PPM1H: variants seen among roughly 807,000 people sequenced by gnomAD.
PPM1H encodes the protein protein phosphatase 1H.
Under a neutral mutation model 54.9 loss-of-function variants are expected in PPM1H, and 27 were observed. The ratio of observed to expected loss-of-function variants is 0.49; its 90% CI spans 0.36 to 0.68. The LOEUF is 0.68. Ranked by LOEUF, PPM1H falls within the 30% of genes least tolerant of loss-of-function variation. PPM1H has a pLI of 0.00. For synonymous variants in PPM1H, 305 were observed against 270.8 expected (o/e 1.13, Z -1.24); for missense variants, 596 against 667.8 (o/e 0.89, Z 1.19).
At chr12:62,812,963 C>T (rs1386064658) in intron 2 of PPM1H, among the ~76,000 whole-genome samples, 1 of 151,634 alleles carries the variant, frequency 6.6e-6, no homozygotes, top group Non-Finnish European at 1.5e-5. Context: ...TCAAAAATGA[C>T]CAGCTTAAAT....
intron 1 of PPM1H, among the ~76,000 whole-genome samples, chr12:62,926,323 T>G (rs58869921): frequency 0.061 from 9,322 of 152,188 alleles, 566 homozygotes; most frequent in East Asian, 0.26. Context: ...CTAATCACCA[T>G]TTCCTTCCCC....
chr12:62,705,427 C>T (rs188759067), intron 6 of PPM1H, among the ~76,000 whole-genome samples: 6 of 152,222 alleles, frequency 3.9e-5, no homozygotes, highest in South Asian at 4.1e-4. Context: ...GCTGGGTATA[C>T]GGAGTAGAAT....
chr12:62,931,618 T>G (rs968997527), intron 1 of PPM1H, among the ~76,000 whole-genome samples: 2 of 152,216 alleles, frequency 1.3e-5, no homozygotes, highest in Non-Finnish European at 2.9e-5. Flanking sequence ...TTTAATCTAC[T>G]GTAGAGAACG....
chr12:62,880,564 C>T (rs989658116), intron 1 of PPM1H, among the ~76,000 whole-genome samples: 2 of 152,116 alleles, frequency 1.3e-5, no homozygotes, highest in Non-Finnish European at 1.5e-5. Flanking sequence ...TCGTGATTAC[C>T]CTCCATCAGC....
chr12:62,738,479 G>A (rs150907624), intron 4 of PPM1H, among the ~76,000 whole-genome samples: 67 of 152,270 alleles, frequency 4.4e-4, no homozygotes, highest in Admixed American at 3.7e-3. Flanking sequence ...GTTCCCCAAA[G>A]CAGATGTCTA....
At chr12:62,697,133 C>CT (rs543565296) in intron 6 of PPM1H, among the ~76,000 whole-genome samples, 5,305 of 146,462 alleles carry the variant, frequency 0.036, 349 homozygotes, top group African/African-American at 0.12. Context: ...GGTCTGTGTT[C>CT]TTTTTTTTTT....
chr12:62,785,101 T>TA (rs1318647269), intron 4 of PPM1H, among the ~76,000 whole-genome samples: 5 of 152,252 alleles, frequency 3.3e-5, no homozygotes, highest in Non-Finnish European at 7.3e-5. Context: ...GATTTTTTTT[T>TA]AAATGTTTTA....
intron 5 of PPM1H, among the ~76,000 whole-genome samples, chr12:62,735,654 G>C (rs1378127573): frequency 6.6e-6 from 1 of 152,212 alleles, no homozygotes; most frequent in Admixed American, 6.5e-5. Flanking sequence ...AAGAGGGGGA[G>C]AGACCAGAAC....
At chr12:62,916,314 T>C (rs1356103272) in intron 1 of PPM1H, among the ~76,000 whole-genome samples, 1 of 152,202 alleles carries the variant, frequency 6.6e-6, no homozygotes, top group East Asian at 1.9e-4. Context: ...TTGTTGATCA[T>C]ACATCATCTT....
Position 62,667,074 on chromosome 12 carries a change from C to G in PPM1H, c.1397+104G>C, listed in dbSNP as rs541800777. On this transcript the variant is annotated intron_variant, in intron 9 of 9. Coordinates refer to ENST00000228705, the MANE Select transcript of PPM1H (RefSeq NM_020700.2). ...AGTTTGGTTACTGTACCGTCCATAT[C>G]AGCCTCTAAGTCATGAATTATGAAA... 54 of 1,307,262 alleles carry G rather than the reference C, an allele frequency of 4.1e-5. No homozygotes were observed. In the African/African-American group the frequency reaches 7.0e-4, roughly 17 times the overall value. The allele number at this position is 1,307,262 out of a possible 1,614,324, so 81.0% of individuals were successfully genotyped here.
At chr12:62,660,225 T>C (rs2075875852) in intron 9 of PPM1H, among the ~76,000 whole-genome samples, 3 of 152,214 alleles carry the variant, frequency 2.0e-5, no homozygotes, top group Admixed American at 2.0e-4. Context: ...GTGAGTGTGG[T>C]GCCCTCCTAC....
intron 8 of PPM1H, among the ~76,000 whole-genome samples, chr12:62,669,937 T>TA (rs112485603): frequency 0.026 from 3,175 of 120,078 alleles, 126 homozygotes; most frequent in African/African-American, 0.095. Flanking sequence ...ACCCAGTCTT[T>TA]AAAAAAAAAA....
At chr12:62,656,451 C>T (rs555565470) in intron 9 of PPM1H, among the ~76,000 whole-genome samples, 1 of 152,298 alleles carries the variant, frequency 6.6e-6, no homozygotes, top group Admixed American at 6.5e-5. Flanking sequence ...GGAGTTTTGT[C>T]ATAAGTCATC....
chr12:62,874,553 G>A (rs1030825935), intron 1 of PPM1H, among the ~76,000 whole-genome samples: 10 of 151,956 alleles, frequency 6.6e-5, no homozygotes, highest in African/African-American at 1.9e-4. Context: ...AATAGAGAAG[G>A]CACTCCCCAA....
intron 4 of PPM1H, among the ~76,000 whole-genome samples, chr12:62,782,374 C>T (rs750403008): frequency 4.6e-5 from 7 of 152,172 alleles, no homozygotes; most frequent in Non-Finnish European, 7.3e-5. Context: ...AATTTAGGAA[C>T]GTAAGTCCTG....
intron 1 of PPM1H, among the ~76,000 whole-genome samples, chr12:62,890,176 G>C (rs1870733417): frequency 6.6e-6 from 1 of 152,182 alleles, no homozygotes; most frequent in African/African-American, 2.4e-5. Context: ...AAGTGTTCCA[G>C]GTTGGACATG....
At chr12:62,667,951 G>A (rs374961170) in intron 8 of PPM1H, among the ~76,000 whole-genome samples, 9 of 152,242 alleles carry the variant, frequency 5.9e-5, no homozygotes, top group Non-Finnish European at 1.2e-4. Flanking sequence ...CATAAGGATG[G>A]GGGCTCTGAC....
At chr12:62,681,816 C>T (rs567811931) in intron 8 of PPM1H, among the ~76,000 whole-genome samples, 1 of 152,306 alleles carries the variant, frequency 6.6e-6, no homozygotes, top group African/African-American at 2.4e-5. Context: ...CACCACCGGA[C>T]TCATGATACC....
chr12:62,700,615 G>A (rs1387965775), intron 6 of PPM1H, among the ~76,000 whole-genome samples: 4 of 152,160 alleles, frequency 2.6e-5, no homozygotes, highest in Non-Finnish European at 5.9e-5. Context: ...TAGCACCATA[G>A]TTTCTTGCCT....
Sources: gnomAD v4.1 joint callset for allele counts (sites outside exome capture counted in the v4.1 genomes callset) on GRCh38, gnomAD v4.1.1 for gene constraint, MANE v1.5 for transcripts, NCBI Gene and HGNC (gene_info 2026-07-23, HGNC 2026-07-21) for gene names.